The following PIP4P2 variants were observed in gnomAD, a reference collection of about 807,000 sequenced individuals.
The protein encoded by PIP4P2 is phosphatidylinositol-4,5-bisphosphate 4-phosphatase 2.
In PIP4P2, 19 loss-of-function variants were observed where a neutral mutation model predicts 33.3. That is an observed-to-expected ratio of 0.57 (90% CI 0.40 to 0.84). The LOEUF (loss-of-function observed/expected upper bound fraction) is 0.84, where lower values mean the gene tolerates loss of function less well. Ranked by LOEUF, PIP4P2 falls within the 40% of genes least tolerant of loss-of-function variation. The pLI is 0.00. For synonymous variants in PIP4P2, 110 were observed against 111.9 expected (o/e 0.98, Z 0.11); for missense variants, 270 against 324.7 (o/e 0.83, Z 1.29).
rs1554584010 is a variant in PIP4P2 at position 91,040,844 on chromosome 8, C to CGCTGCAGCTGCTGCT, written c.-110_-96dup. 13 of 1,116,562 alleles carry CGCTGCAGCTGCTGCT rather than the reference C, an allele frequency of 1.2e-5. No homozygotes were observed. Among genetic ancestry groups the CGCTGCAGCTGCTGCT allele is most frequent in the South Asian group, 5.3e-5 (4 of 76,032 alleles). 69.2% of individuals were successfully genotyped at this position (1,116,562 alleles called of 1,614,324 possible). Reference sequence around the variant, plus strand: ...CTGCTGCCTCTGCTGCCGCTGCTGCCGCTGCAGCTGCTGCTGCTGCCGCCT... The same window carrying CGCTGCAGCTGCTGCT: ...CTGCTGCCTCTGCTGCCGCTGCTGCCGCTGCAGCTGCTGCTGCTGCAGCTGCTGCTGCTGCCGCCT... On this transcript the variant is annotated 5_prime_UTR_variant, in exon 1 of 7. Coordinates refer to ENST00000285419, the MANE Select transcript of PIP4P2 (RefSeq NM_018710.3).
chr8:91,003,457 G>T (rs1811726190), intron 5 of PIP4P2, among the ~76,000 whole-genome samples: 1 of 152,182 alleles, frequency 6.6e-6, no homozygotes. Context: ...TGGTTGGTCA[G>T]TTGGACAGAC....
intron 1 of PIP4P2, among the ~76,000 whole-genome samples, chr8:91,029,963 T>G (rs1812140428): frequency 6.6e-6 from 1 of 151,884 alleles, no homozygotes; most frequent in East Asian, 1.9e-4. Context: ...CGAGACTCCG[T>G]CTCAAAAAAA....
rs574824662 is a variant in PIP4P2 at position 91,014,456 on chromosome 8, C to A, written c.486+3934G>T. Among the ~76,000 whole-genome samples, 5 of 152,122 alleles carry A rather than the reference C, an allele frequency of 3.3e-5. No individual in the cohort carries two copies. The East Asian group carries it at 9.7e-4, about 29-fold the overall frequency. On this transcript the variant is annotated intron_variant, in intron 4 of 6. Coordinates refer to ENST00000285419, the MANE Select transcript of PIP4P2 (RefSeq NM_018710.3). ...TGCCATTTGTAACAACATGTATTAA[C>A]CTGGAAGATATTATGTTAAGTGAAA...
In PIP4P2 at chr8:91,040,767, G is replaced by T; in HGVS notation, c.-18C>A. The T allele has an allele frequency of 6.2e-7, 1 of 1,609,094 alleles. No homozygotes were observed. The highest frequency in any genetic ancestry group is 8.5e-7 in the Non-Finnish European group (1 of 1,178,576). On this transcript the variant is annotated 5_prime_UTR_variant, in exon 1 of 7. Transcript: ENST00000285419. ...GCAGCCATGACTGCGGCAGCGGCGG[G>T]GCCTGGGGAGGCCGAGCCGGGGTTG...
At chr8:90,997,488 A>G (rs1811644349) in intron 5 of PIP4P2, among the ~76,000 whole-genome samples, 1 of 152,072 alleles carries the variant, frequency 6.6e-6, no homozygotes, top group African/African-American at 2.4e-5. Flanking sequence ...AACTTTTTGA[A>G]TTGTTTTTAA....
rs1423669048 is a variant in PIP4P2, at chr8:90,993,873, A to G, written c.*1804T>C. 6.6e-6 allele frequency: 1 copy of G among 152,224 alleles called. No individual in the cohort carries two copies. The allele number at this position is 152,224 out of a possible 1,614,324, so 9.4% of individuals were successfully genotyped here. The stretch of plus-strand genomic sequence containing the variant: ...ATTCACGTAAATTGAGCACATGTAC[A>G]CTAAGAACTGTTCTAAGTGGGGATA... On this transcript the variant is annotated 3_prime_UTR_variant, in exon 7 of 7. Transcript: ENST00000285419.
rs115671511 is a variant in PIP4P2 at position 91,016,260 on chromosome 8, A to G, written c.486+2130T>C. 1.8e-3 allele frequency among the ~76,000 whole-genome samples: 272 copies of G among 152,262 alleles called. 2 individuals are homozygous for G. Among genetic ancestry groups the G allele is most frequent in the Middle Eastern group, 0.01 (3 of 294 alleles). On this transcript the variant is annotated intron_variant, in intron 4 of 6. Coordinates refer to ENST00000285419, the MANE Select transcript of PIP4P2 (RefSeq NM_018710.3). Reference sequence around the variant, plus strand: ...TAAAATTTTAAATTAAGATGAGGAGATATAATGAAGTTTCCCACTAAATAA... The same window carrying G: ...TAAAATTTTAAATTAAGATGAGGAGGTATAATGAAGTTTCCCACTAAATAA...
intron 1 of PIP4P2, among the ~76,000 whole-genome samples, chr8:91,036,437 T>C (rs1241148996): frequency 6.6e-6 from 1 of 152,226 alleles, no homozygotes; most frequent in Non-Finnish European, 1.5e-5. Context: ...AATCACACCA[T>C]GACGTTGCAT....
intron 5 of PIP4P2, among the ~76,000 whole-genome samples, chr8:90,999,206 C>T (rs1811670363): frequency 1.3e-5 from 2 of 152,070 alleles, no homozygotes; most frequent in Non-Finnish European, 2.9e-5. Context: ...ATAAAAACCA[C>T]AATGAGATAC....
At chr8:91,014,161 G>A (rs1811879580) in intron 4 of PIP4P2, among the ~76,000 whole-genome samples, 1 of 152,122 alleles carries the variant, frequency 6.6e-6, no homozygotes, top group South Asian at 2.1e-4. Context: ...TAGCGAAAGG[G>A]ATGTTGAAAC....
chr8:90,995,728 A>T lies in PIP4P2; in HGVS notation c.723T>A (p.Ala241=). 6.2e-7 allele frequency: 1 copy of T among 1,613,388 alleles called. No homozygotes were observed. Among genetic ancestry groups the T allele is most frequent in the Non-Finnish European group, 8.5e-7 (1 of 1,179,602 alleles). Reference sequence around the variant, plus strand: ...TGACTCTTATGGCTCCCCAATAACAAGCTCGGATAAGGCAGATCAATCCTA... The same window carrying T: ...TGACTCTTATGGCTCCCCAATAACATGCTCGGATAAGGCAGATCAATCCTA... ...YLLGLICLIR[A]CYWGAIRVSY... is the part of the protein sequence containing the mutation. Residue 241 remains alanine, a synonymous_variant, in exon 7 of 7, where the codon GCT becomes GCA. Coordinates refer to ENST00000285419, the MANE Select transcript of PIP4P2 (RefSeq NM_018710.3).
intron 1 of PIP4P2, among the ~76,000 whole-genome samples, chr8:91,024,882 T>G (rs1812062281): frequency 6.6e-6 from 1 of 152,142 alleles, no homozygotes; most frequent in South Asian, 2.1e-4. Flanking sequence ...TGTTAGAAAT[T>G]CAAACAATCT....
chr8:90,999,967 T>C (rs1811680288), intron 5 of PIP4P2, among the ~76,000 whole-genome samples: 1 of 152,064 alleles, frequency 6.6e-6, no homozygotes, highest in South Asian at 2.1e-4. Flanking sequence ...TCTGCTTTTC[T>C]ACCTTTATTT....
intron 6 of PIP4P2, 82 bp downstream of exon 6, chr8:90,996,572 C>A: frequency 8.5e-7 from 1 of 1,182,404 alleles, no homozygotes; most frequent in East Asian, 2.7e-5. Context: ...TTCAGGAATC[C>A]CTGAAGGTTG....
intron 6 of PIP4P2, 99 bp from the exon 7 acceptor site, chr8:90,995,919 A>G: frequency 7.6e-7 from 1 of 1,309,154 alleles, no homozygotes; most frequent in South Asian, 1.6e-5. Context: ...TATGAAATAT[A>G]CCCCCAGACC....
chr8:91,011,611 A>T (rs943198974), intron 4 of PIP4P2, among the ~76,000 whole-genome samples: 1 of 152,046 alleles, frequency 6.6e-6, no homozygotes, highest in Non-Finnish European at 1.5e-5. Flanking sequence ...TAATTTTTTA[A>T]TCCTAGCAAT....
chr8:91,023,678 TA>T (rs1227609604), intron 1 of PIP4P2, among the ~76,000 whole-genome samples: 4 of 151,932 alleles, frequency 2.6e-5, no homozygotes, highest in Admixed American at 1.3e-4. Flanking sequence ...AAATCTAATA[TA>T]AGAGAGACCA....
At chr8:91,021,127 C>A in intron 2 of PIP4P2, 129 bp downstream of exon 2, 1 of 1,086,198 alleles carries the variant, frequency 9.2e-7, no homozygotes, top group Non-Finnish European at 1.3e-6. Context: ...GAAGAAAAGA[C>A]AGGAAAAAAG....
intron 5 of PIP4P2, among the ~76,000 whole-genome samples, chr8:90,997,484 T>C (rs926791205): frequency 6.6e-6 from 1 of 152,114 alleles, no homozygotes; most frequent in Non-Finnish European, 1.5e-5. Flanking sequence ...ATTAAACTTT[T>C]TGAATTGTTT....
Sources: gnomAD v4.1 joint callset for allele counts (sites outside exome capture counted in the v4.1 genomes callset) on GRCh38, gnomAD v4.1.1 for gene constraint, MANE v1.5 for transcripts, NCBI Gene and HGNC (gene_info 2026-07-23, HGNC 2026-07-21) for gene names.